The following UBN2 variants were observed in gnomAD, a reference collection of about 807,000 sequenced individuals.
The protein encoded by UBN2 is ubinuclein 2, also known as ubinuclein-2.
In UBN2, 35 loss-of-function variants were observed where a neutral mutation model predicts 120.2. That is an observed-to-expected ratio of 0.29 (90% CI 0.22 to 0.39). The LOEUF (loss-of-function observed/expected upper bound fraction) is 0.39. Ranked by LOEUF, UBN2 falls within the 10% of genes least tolerant of loss-of-function variation. The pLI is 1.00. For missense variants in UBN2, 1,693 were observed against 1,663.2 expected, an observed-to-expected ratio of 1.02 and a Z score of -0.31; for synonymous variants, 661 against 648.7, an observed-to-expected ratio of 1.02 and a Z score of -0.29.
intron 2 of UBN2, among the ~76,000 whole-genome samples, chr7:139,242,005 C>G (rs1025192538): frequency 1.1e-4 from 17 of 151,558 alleles, no homozygotes; most frequent in Admixed American, 3.3e-4. Context: ...CTCCCCCCCC[C>G]AAAAAAAGTC....
chr7:139,276,250 GATC>G (rs1371978079), intron 12 of UBN2, 103 bp downstream of exon 12: 1 of 1,104,398 alleles, frequency 9.1e-7, no homozygotes, highest in East Asian at 2.4e-5. Context: ...GACTTAAAAA[GATC>G]ATTTTGACCA....
intron 7 of UBN2, among the ~76,000 whole-genome samples, chr7:139,268,317 T>A (rs1048415902): frequency 6.6e-6 from 1 of 152,188 alleles, no homozygotes; most frequent in Admixed American, 6.5e-5. Flanking sequence ...TTTAGTCACT[T>A]TCTTATTCCC....
chr7:139,259,164 C>T, intron 4 of UBN2, 103 bp from the exon 5 acceptor site: 1 of 1,494,862 alleles, frequency 6.7e-7, no homozygotes, highest in East Asian at 2.4e-5. Flanking sequence ...GATTGTAATG[C>T]ACACTGACAT....
rs1798170834 is a variant in UBN2 at position 139,298,413 on chromosome 7, T to C, written c.*577T>C. The C allele has an allele frequency of 6.6e-6, 1 of 152,348 alleles. No homozygotes were observed. Among genetic ancestry groups the C allele is most frequent in the South Asian group, 2.1e-4 (1 of 4,836 alleles). The allele number at this position is 152,348 out of a possible 1,614,324, so 9.4% of individuals were successfully genotyped here. A position where few individuals can be genotyped will look rare whatever the true frequency, so the allele number is the denominator to read the frequency against. On this transcript the variant is annotated 3_prime_UTR_variant, in exon 18 of 18. Transcript: ENST00000473989. ...ACAAACTTGAATCTCCTCCAGTGTG[T>C]AGCAACTTCCCTCAATCAGTGGACT...
chr7:139,284,498 G>T lies in UBN2; in HGVS notation c.3593G>T (p.Gly1198Val), dbSNP rs376390919. Residue 1198 changes from glycine to valine, a missense_variant, in exon 15 of 18, where the codon GGT becomes GTT. Coordinates refer to ENST00000473989, the MANE Select transcript of UBN2 (RefSeq NM_173569.4). ...LSGGTGSGTQ[G>V]ATKPLSTPHR... ...GGGGGAACAGGAAGTGGAACACAGGGTGCTACCAAACCATTGTCTACTCCA... is the reference window on the plus strand; with the variant it reads ...GGGGGAACAGGAAGTGGAACACAGGTTGCTACCAAACCATTGTCTACTCCA... The T allele has an allele frequency of 1.2e-6, 2 of 1,614,160 alleles. No individual in the cohort carries two copies. Among genetic ancestry groups the T allele is most frequent in the South Asian group, 2.2e-5 (2 of 91,086 alleles).
chr7:139,324,019 GTAC>G, the UBN2 span, among the ~76,000 whole-genome samples: 1 of 152,036 alleles, frequency 6.6e-6, no homozygotes, highest in African/African-American at 2.4e-5. Context: ...CCAACCTCCT[GTAC>G]TCTGAAGTAC....
chr7:139,286,884 AT>A (rs1797806529), intron 15 of UBN2, among the ~76,000 whole-genome samples: 1 of 152,194 alleles, frequency 6.6e-6, no homozygotes, highest in African/African-American at 2.4e-5. Flanking sequence ...TATTCAAATC[AT>A]CATTCTGCTA....
chr7:139,309,684 A>G (rs530851446), downstream of UBN2, among the ~76,000 whole-genome samples: 184 of 152,360 alleles, frequency 1.2e-3, 1 homozygote, highest in Non-Finnish European at 2.1e-3. Flanking sequence ...CAGCCTGACC[A>G]ACATGGAGAA....
the UBN2 span, among the ~76,000 whole-genome samples, chr7:139,317,948 C>CCA: frequency 6.6e-6 from 1 of 152,200 alleles, no homozygotes; most frequent in African/African-American, 2.4e-5. Flanking sequence ...CAGGCATGAG[C>CCA]CACCGCACGC....
At chr7:139,288,505 A>C (rs188746541) in intron 15 of UBN2, among the ~76,000 whole-genome samples, 208 of 152,292 alleles carry the variant, frequency 1.4e-3, no homozygotes, top group African/African-American at 4.9e-3. Context: ...TGATGAGATC[A>C]GAGAGAGACC....
rs369687402 is a variant in UBN2 at position 139,261,671 on chromosome 7, C to G, written c.1325C>G (p.Pro442Arg). Reference protein sequence around the residue: ...TQPTYTSQVMPKVVPTLPEGL... With the variant: ...TQPTYTSQVMRKVVPTLPEGL... ...CCAACCTACACTTCTCAGGTTATGC[C>G]CAAAGTGGTACCTACACTCCCAGAG... The change falls in exon 6 of 18, where the codon CCC becomes CGC. Residue 442 changes from proline (P) to arginine (R), a missense_variant. Around this residue, in one of 5 missense-constraint regions of UBN2, gnomAD observed 663 missense variants for 591.2 expected, o/e 1.12. Transcript: ENST00000473989. 97 of 1,614,010 alleles carry G rather than the reference C, an allele frequency of 6.0e-5. No individual in the cohort carries two copies. Among genetic ancestry groups the G allele is most frequent in the Non-Finnish European group, 8.1e-5 (96 of 1,180,026 alleles).
At position 139,293,233 on chromosome 7, in the gene UBN2, C is replaced by T; in HGVS notation, c.3671C>T (p.Ser1224Phe). 6.2e-7 allele frequency: 1 copy of T among 1,613,838 alleles called. No individual in the cohort carries two copies. The highest frequency in any genetic ancestry group is 8.5e-7 in the Non-Finnish European group (1 of 1,179,706). Reference sequence around the variant, plus strand: ...TTTTGACCCCTGGTTTCTGCACAGTCCACAGCAGGAGCATCATTATTGGCT... The same window carrying T: ...TTTTGACCCCTGGTTTCTGCACAGTTCACAGCAGGAGCATCATTATTGGCT... ...GSSVVTASVQ[S>F]TAGASLLANA... Residue 1224 changes from serine (S) to phenylalanine (F), a missense_variant and splice_region_variant, in exon 16 of 18, where the codon TCC becomes TTC. Physicochemically the swap from Ser to Phe is radical, Grantham distance 155 (BLOSUM62 -2). This residue lies in a region of UBN2 where 837 missense variants were observed against 817.6 expected (regional missense o/e 1.02). Coordinates refer to ENST00000473989, the MANE Select transcript of UBN2 (RefSeq NM_173569.4).
chr7:139,297,885 T>C lies in UBN2; in HGVS notation c.*49T>C, dbSNP rs758795389. ...AAATGTTTAGTTGACTGATGGAATC[T>C]ACCTGATGGGAAAGTACTTATGTGG... On this transcript the variant is annotated 3_prime_UTR_variant, in exon 18 of 18. Transcript: ENST00000473989. 1.9e-6 allele frequency: 3 copies of C among 1,596,556 alleles called. No individual in the cohort carries two copies. Among genetic ancestry groups the C allele is most frequent in the Non-Finnish European group, 2.6e-6 (3 of 1,164,288 alleles).
chr7:139,269,267 GA>G, intron 7 of UBN2, 126 bp from the exon 8 acceptor site: 1 of 878,948 alleles, frequency 1.1e-6, no homozygotes. Flanking sequence ...TTTTTTCCAT[GA>G]AGAATACTGT....
the UBN2 span, among the ~76,000 whole-genome samples, chr7:139,318,387 C>T: frequency 2.6e-5 from 4 of 152,290 alleles, no homozygotes; most frequent in South Asian, 2.1e-4. Flanking sequence ...CTGCAGTTTA[C>T]GGTTTTTTAC....
rs917403175 is a variant in UBN2 at position 139,298,971 on chromosome 7, G to C, written c.*1135G>C. On this transcript the variant is annotated 3_prime_UTR_variant, in exon 18 of 18. Transcript: ENST00000473989. ...GGAATCACATTAGGATCACAATCAC[G>C]ACATATTTTTACTCCCTGTATCCAG... The C allele has an allele frequency of 6.6e-6, 1 of 152,088 alleles. No homozygotes were observed. The highest frequency in any genetic ancestry group is 2.4e-5 in the African/African-American group (1 of 41,424). The allele number at this position is 152,088 out of a possible 1,614,324, so 9.4% of individuals were successfully genotyped here.
rs757108976 is a variant in UBN2 at position 139,258,564 on chromosome 7, G to T, written c.740G>T (p.Arg247Leu). 1.9e-6 allele frequency: 3 copies of T among 1,606,298 alleles called. No individual in the cohort carries two copies. Among genetic ancestry groups the T allele is most frequent in the African/African-American group, 1.3e-5 (1 of 74,260 alleles). The change falls in exon 4 of 18, where the codon CGC becomes CTC. Residue 247 changes from arginine (R) to leucine (L), a missense_variant. Coordinates refer to ENST00000473989, the MANE Select transcript of UBN2 (RefSeq NM_173569.4). ...ATCAACACTGGCACTCTACAGTTTCGCCAAGCTTCAGATACTGAAGAAGAT... is the reference window on the plus strand; with the variant it reads ...ATCAACACTGGCACTCTACAGTTTCTCCAAGCTTCAGATACTGAAGAAGAT... ...FYINTGTLQF[R>L]QASDTEEDDI...
intron 8 of UBN2, among the ~76,000 whole-genome samples, chr7:139,272,111 CT>C (rs1797294205): frequency 2.0e-5 from 3 of 152,100 alleles, no homozygotes; most frequent in Admixed American, 2.0e-4. Context: ...AACTGGAACT[CT>C]TCTTGGCTAA....
rs770756547 is a variant in UBN2, at chr7:139,284,437, C to G, written c.3532C>G (p.Leu1178Val). ...MNVPASRGSN[L>V]NSSGANRTSL... is the part of the protein sequence containing the mutation. Reference sequence around the variant, plus strand: ...TGTACCTGCCAGCAGAGGTAGCAACCTTAACTCAAGCGGAGCTAATAGGAC... The same window carrying G: ...TGTACCTGCCAGCAGAGGTAGCAACGTTAACTCAAGCGGAGCTAATAGGAC... Residue 1178 changes from leucine (L) to valine (V), a missense_variant, in exon 15 of 18, where the codon CTT becomes GTT. Transcript: ENST00000473989. 1 of 1,614,190 alleles carries G rather than the reference C, an allele frequency of 6.2e-7. No homozygotes were observed. Among genetic ancestry groups the G allele is most frequent in the Non-Finnish European group, 8.5e-7 (1 of 1,180,048 alleles).
Sources: allele counts gnomAD v4.1 joint callset (sites outside exome capture counted in the v4.1 genomes callset), GRCh38; gene constraint gnomAD v4.1.1; regional missense constraint gnomAD v4.1.1; transcripts MANE v1.5; gene names NCBI Gene and HGNC (gene_info 2026-07-23, HGNC 2026-07-21).